The following RABGEF1 variants were observed in gnomAD, a reference collection of about 807,000 sequenced individuals.
The protein encoded by RABGEF1 is rab5 GDP/GTP exchange factor.
Under a neutral mutation model 57.3 loss-of-function variants are expected in RABGEF1, and 26 were observed. That is an observed-to-expected ratio of 0.45 (90% CI 0.33 to 0.63). The LOEUF (loss-of-function observed/expected upper bound fraction) is 0.63, where lower values mean the gene tolerates loss of function less well. Ranked by LOEUF, RABGEF1 falls within the 20% of genes least tolerant of loss-of-function variation. The pLI is 0.02. For missense variants in RABGEF1, 464 were observed against 607.6 expected, an observed-to-expected ratio of 0.76 and a Z score of 2.48; for synonymous variants, 185 against 210.7, an observed-to-expected ratio of 0.88 and a Z score of 1.06.
chr7:66,735,378 A>T (rs1797827220), intron 2 of RABGEF1, among the ~76,000 whole-genome samples: 1 of 152,202 alleles, frequency 6.6e-6, no homozygotes, highest in African/African-American at 2.4e-5. Context: ...AGTAGTTTAG[A>T]TTATGGGCTT....
intron 4 of RABGEF1, among the ~76,000 whole-genome samples, chr7:66,790,126 T>C (rs968766359): frequency 6.6e-6 from 1 of 152,212 alleles, no homozygotes; most frequent in African/African-American, 2.4e-5. Flanking sequence ...CATTCAGGGC[T>C]TCTGCAAGGA....
At chr7:66,665,541 CAG>C in the RABGEF1 span, among the ~76,000 whole-genome samples, 3 of 152,114 alleles carry the variant, frequency 2.0e-5, no homozygotes, top group Admixed American at 2.0e-4. Flanking sequence ...GAAATGATCA[CAG>C]GGGTTCCCAG....
intron 3 of RABGEF1, 82 bp downstream of exon 3, chr7:66,775,475 G>T: frequency 6.0e-6 from 9 of 1,498,890 alleles, no homozygotes; most frequent in Non-Finnish European, 8.1e-6. Context: ...GCTCAGCTTT[G>T]TAATTTCTGT....
the RABGEF1 span, chr7:66,667,690 G>C: frequency 6.6e-6 from 1 of 152,226 alleles, no homozygotes; most frequent in Non-Finnish European, 1.5e-5. Context: ...CATTTCATAA[G>C]CATCTACTCT....
the RABGEF1 span, among the ~76,000 whole-genome samples, chr7:66,674,450 A>G: frequency 2.6e-5 from 4 of 152,146 alleles, no homozygotes; most frequent in African/African-American, 4.8e-5. Context: ...GGCCTCCGAA[A>G]GAGCTGGGAT....
intron 7 of RABGEF1, among the ~76,000 whole-genome samples, chr7:66,800,511 TC>T (rs1434178575): frequency 2.6e-5 from 4 of 152,220 alleles, no homozygotes; most frequent in Non-Finnish European, 5.9e-5. Context: ...GTGGCCCAGA[TC>T]AATACTATTG....
At chr7:66,702,257 A>G (rs1793380842) in intron 1 of RABGEF1, among the ~76,000 whole-genome samples, 1 of 152,010 alleles carries the variant, frequency 6.6e-6, no homozygotes, top group African/African-American at 2.4e-5. Context: ...GTTGGATAAT[A>G]TTTCATTGTA....
chr7:66,714,594 C>A (rs1412566109), intron 2 of RABGEF1, among the ~76,000 whole-genome samples: 1 of 152,108 alleles, frequency 6.6e-6, no homozygotes, highest in Non-Finnish European at 1.5e-5. Context: ...TTACTTCCTT[C>A]TTTGTGCTTA....
intron 7 of RABGEF1, among the ~76,000 whole-genome samples, chr7:66,802,635 A>G (rs1022329900): frequency 2.0e-5 from 3 of 152,206 alleles, no homozygotes; most frequent in African/African-American, 4.8e-5. Context: ...ATGGAATTGC[A>G]CACATGGGAA....
intron 1 of RABGEF1, among the ~76,000 whole-genome samples, chr7:66,688,796 C>T (rs1791092767): frequency 6.6e-6 from 1 of 152,098 alleles, no homozygotes; most frequent in Non-Finnish European, 1.5e-5. Flanking sequence ...TAAGCATCTA[C>T]CTTTAAAAAT....
At chr7:66,728,274 G>C (rs766621206) in intron 2 of RABGEF1, among the ~76,000 whole-genome samples, 24 of 152,110 alleles carry the variant, frequency 1.6e-4, no homozygotes, top group Admixed American at 1.3e-3. Context: ...GCTAAGCTTG[G>C]GGGGGCCACT....
intron 7 of RABGEF1, among the ~76,000 whole-genome samples, chr7:66,800,348 C>T (rs915342408): frequency 2.6e-5 from 4 of 152,148 alleles, no homozygotes; most frequent in East Asian, 1.9e-4. Context: ...GCCTCTACAA[C>T]GGCAAGAGGG....
At chr7:66,763,430 C>T (rs1279021767) in intron 1 of RABGEF1, among the ~76,000 whole-genome samples, 1 of 152,178 alleles carries the variant, frequency 6.6e-6, no homozygotes. Flanking sequence ...AATTTCTTGG[C>T]TATTAGTCTC....
chr7:66,781,706 C>T (rs1374361957), intron 3 of RABGEF1, among the ~76,000 whole-genome samples: 1 of 152,196 alleles, frequency 6.6e-6, no homozygotes, highest in Non-Finnish European at 1.5e-5. Flanking sequence ...CAGATACCTG[C>T]AGCTTTTTCT....
At chr7:66,742,171 G>A (rs538555372) in intron 1 of RABGEF1, among the ~76,000 whole-genome samples, 62 of 151,670 alleles carry the variant, frequency 4.1e-4, no homozygotes, top group African/African-American at 1.5e-3. Context: ...CTAAGAGTCT[G>A]TTCCTTAAAA....
At chr7:66,695,145 C>T (rs1792128419) in intron 1 of RABGEF1, among the ~76,000 whole-genome samples, 1 of 152,008 alleles carries the variant, frequency 6.6e-6, no homozygotes, top group East Asian at 1.9e-4. Context: ...AACCTTGTCT[C>T]TACTAAAAAG....
chr7:66,743,734 C>G (rs1799542822), intron 1 of RABGEF1, among the ~76,000 whole-genome samples: 1 of 152,106 alleles, frequency 6.6e-6, no homozygotes, highest in Non-Finnish European at 1.5e-5. Flanking sequence ...ATCTCCTGAC[C>G]TCGTGATCCG....
chr7:66,740,655 T>A (rs1057447212), upstream of RABGEF1: 30 of 152,762 alleles, frequency 2.0e-4, no homozygotes, highest in African/African-American at 5.8e-4. Flanking sequence ...GCGCCGCGCG[T>A]AACGTGCGTT....
chr7:66,659,923 A>G, the RABGEF1 span, among the ~76,000 whole-genome samples: 3 of 152,106 alleles, frequency 2.0e-5, no homozygotes, highest in African/African-American at 7.2e-5. Flanking sequence ...GGAAATAAAT[A>G]AAGAAAAGGA....
Sources: gnomAD v4.1 joint callset for allele counts (sites outside exome capture counted in the v4.1 genomes callset) on GRCh38, gnomAD v4.1.1 for gene constraint, MANE v1.5 for transcripts, NCBI Gene and HGNC (gene_info 2026-07-23, HGNC 2026-07-21) for gene names.